Variants in PTPRD observed in about 807,000 individuals in gnomAD.
PTPRD encodes receptor-type tyrosine-protein phosphatase delta.
PTPRD carries 34 observed loss-of-function variants against 214.5 expected under a neutral mutation model. The observed-to-expected ratio is 0.16, with a 90% CI of 0.12 to 0.21. PTPRD has a LOEUF of 0.21. PTPRD is among the 10% of genes least tolerant of loss of function. The pLI is 1.00. For missense variants in PTPRD, 2,545 were observed against 2,398.7 expected (o/e 1.06, Z -1.27); for synonymous variants, 1,128 against 845.7 (o/e 1.33, Z -5.79).
At chr9:10,522,606 G>A (rs1356977202) in intron 2 of PTPRD, among the ~76,000 whole-genome samples, 1 of 152,036 alleles carries the variant, frequency 6.6e-6, no homozygotes, top group African/African-American at 2.4e-5. Flanking sequence ...ACTGAGAGAA[G>A]CTTATAACTC....
chr9:9,803,157 A>T (rs2099052112), intron 5 of PTPRD, among the ~76,000 whole-genome samples: 2 of 151,840 alleles, frequency 1.3e-5, no homozygotes, highest in South Asian at 4.1e-4. Context: ...AGATACGCTA[A>T]ATCACTGAAA....
At chr9:9,057,519 G>C (rs916451792) in intron 10 of PTPRD, among the ~76,000 whole-genome samples, 1 of 152,132 alleles carries the variant, frequency 6.6e-6, no homozygotes, top group Non-Finnish European at 1.5e-5. Context: ...TGAAATTTTA[G>C]ATTTAAGAAT....
chr9:10,217,760 C>T (rs1263529701), intron 3 of PTPRD, among the ~76,000 whole-genome samples: 1 of 151,846 alleles, frequency 6.6e-6, no homozygotes, highest in East Asian at 1.9e-4. Flanking sequence ...TGTGCCCAGG[C>T]CATTGGGAGT....
intron 8 of PTPRD, among the ~76,000 whole-genome samples, chr9:9,456,810 T>G (rs1238856669): frequency 6.6e-6 from 1 of 151,882 alleles, no homozygotes; most frequent in Non-Finnish European, 1.5e-5. Flanking sequence ...CTGGTAAATG[T>G]GGGGGTTATA....
intron 7 of PTPRD, among the ~76,000 whole-genome samples, chr9:9,619,616 T>C: frequency 6.9e-6 from 1 of 145,838 alleles, no homozygotes; most frequent in Non-Finnish European, 1.5e-5. Flanking sequence ...CAAATATCTA[T>C]ATATAATAAT....
intron 7 of PTPRD, among the ~76,000 whole-genome samples, chr9:9,615,749 T>C (rs1368936075): frequency 6.6e-6 from 1 of 152,158 alleles, no homozygotes; most frequent in Non-Finnish European, 1.5e-5. Context: ...ACAAACATTA[T>C]CTAATTTAAT....
intron 14 of PTPRD, among the ~76,000 whole-genome samples, chr9:8,609,011 T>C (rs544678110): frequency 6.6e-6 from 1 of 152,174 alleles, no homozygotes; most frequent in African/African-American, 2.4e-5. Context: ...ATCACCTCTA[T>C]AATTCAGAGG....
intron 4 of PTPRD, among the ~76,000 whole-genome samples, chr9:9,976,453 C>A (rs2095354872): frequency 6.6e-6 from 1 of 151,750 alleles, no homozygotes. Flanking sequence ...GTGGCATGAT[C>A]TCGGCTCACT....
chr9:10,315,971 G>A (rs1168281845), intron 3 of PTPRD, among the ~76,000 whole-genome samples: 1 of 151,726 alleles, frequency 6.6e-6, no homozygotes, highest in Non-Finnish European at 1.5e-5. Context: ...TTTGGATCCA[G>A]ATTAGCCACT....
chr9:8,630,916 A>T (rs1239593017), intron 14 of PTPRD, among the ~76,000 whole-genome samples: 1 of 151,940 alleles, frequency 6.6e-6, no homozygotes, highest in Non-Finnish European at 1.5e-5. Flanking sequence ...CCTTTTAAGG[A>T]GTTCAAGGGA....
rs558108229 is a variant in PTPRD at position 9,583,040 on chromosome 9, T to A, written c.-286-8259A>T. Among the ~76,000 whole-genome samples the A allele has an allele frequency of 8.5e-5, 13 of 152,186 alleles. No individual in the cohort carries two copies. The East Asian group carries it at 2.3e-3, about 27-fold the overall frequency. On this transcript the variant is annotated intron_variant, in intron 7 of 45. Transcript: ENST00000381196. Reference sequence around the variant, plus strand: ...TACAGAAAATGTTGCCAATAAATAGTATAGGCTGGAATTTGTATTTTAGCC... The same window carrying A: ...TACAGAAAATGTTGCCAATAAATAGAATAGGCTGGAATTTGTATTTTAGCC...
chr9:9,344,638 A>G (rs900257000), intron 9 of PTPRD, among the ~76,000 whole-genome samples: 1 of 152,148 alleles, frequency 6.6e-6, no homozygotes, highest in African/African-American at 2.4e-5. Flanking sequence ...GAAGGTCTGC[A>G]CCACAATGTT....
intron 11 of PTPRD, among the ~76,000 whole-genome samples, chr9:8,780,659 A>G (rs977149212): frequency 6.6e-5 from 10 of 152,230 alleles, no homozygotes; most frequent in Non-Finnish European, 1.0e-4. Context: ...ATGAAAAACT[A>G]GACTCAGGCA....
chr9:10,220,860 G>T (rs894598899), intron 3 of PTPRD, among the ~76,000 whole-genome samples: 1 of 151,676 alleles, frequency 6.6e-6, no homozygotes. Flanking sequence ...TTTGAAGTAT[G>T]AGACTCAGGC....
intron 10 of PTPRD, among the ~76,000 whole-genome samples, chr9:9,096,343 C>T (rs972962932): frequency 4.6e-5 from 7 of 152,066 alleles, no homozygotes; most frequent in East Asian, 1.9e-4. Flanking sequence ...CTTAAATATA[C>T]GCAATACAAT....
chr9:8,376,176 TG>T, intron 38 of PTPRD, 86 bp from the exon 39 acceptor site: 1 of 1,486,590 alleles, frequency 6.7e-7, no homozygotes. Context: ...AATGCTAAAA[TG>T]TGCTATTTTA....
intron 10 of PTPRD, among the ~76,000 whole-genome samples, chr9:9,142,713 A>G (rs2099862437): frequency 6.6e-6 from 1 of 152,174 alleles, no homozygotes; most frequent in African/African-American, 2.4e-5. Context: ...AGAATTCAGA[A>G]TTTCTGACTC....
At chr9:8,936,606 A>AACTGACT (rs1043543866) in intron 11 of PTPRD, among the ~76,000 whole-genome samples, 1 of 152,058 alleles carries the variant, frequency 6.6e-6, no homozygotes, top group African/African-American at 2.4e-5. Context: ...TGGAAACTTC[A>AACTGACT]ACTGACTATT....
intron 5 of PTPRD, among the ~76,000 whole-genome samples, chr9:9,897,812 TTTTC>T (rs1230577082): frequency 6.6e-6 from 1 of 152,114 alleles, no homozygotes; most frequent in Admixed American, 6.6e-5. Flanking sequence ...ACTTAACTGT[TTTTC>T]TGACTCTTAG....
Sources: allele counts gnomAD v4.1 joint callset (sites outside exome capture counted in the v4.1 genomes callset), GRCh38; gene constraint gnomAD v4.1.1; transcripts MANE v1.5; gene names NCBI Gene and HGNC (gene_info 2026-07-23, HGNC 2026-07-21).